The following ZPBP variants were observed in gnomAD, a reference collection of about 807,000 sequenced individuals.
ZPBP encodes the protein zona pellucida-binding protein 1.
Under a neutral mutation model 44.8 loss-of-function variants are expected in ZPBP, and 26 were observed. That is an observed-to-expected ratio of 0.58 (90% CI 0.43 to 0.81). The LOEUF is 0.81. Ranked by LOEUF, ZPBP falls within the 30% of genes least tolerant of loss-of-function variation. The probability of loss-of-function intolerance (pLI) is 0.00; values close to 1 mark genes in which losing one functional copy is unlikely to be tolerated. For synonymous variants in ZPBP, 174 were observed against 153.2 expected (o/e 1.14, Z -1.00); for missense variants, 409 against 434.0 (o/e 0.94, Z 0.51).
intron 7 of ZPBP, among the ~76,000 whole-genome samples, chr7:49,950,909 A>T (rs1463016530): frequency 6.6e-6 from 1 of 151,898 alleles, no homozygotes; most frequent in Non-Finnish European, 1.5e-5. Context: ...AATGCCTACC[A>T]CCAATGAAAC....
intron 1 of ZPBP, among the ~76,000 whole-genome samples, chr7:49,906,680 C>T (rs892267109): frequency 1.3e-5 from 2 of 152,140 alleles, no homozygotes; most frequent in African/African-American, 4.8e-5. Context: ...AAATTCTTAC[C>T]AAGAATTATT....
chr7:49,855,591 C>A (rs565441135), intron 2 of ZPBP, among the ~76,000 whole-genome samples: 1 of 152,322 alleles, frequency 6.6e-6, no homozygotes, highest in East Asian at 1.9e-4. Context: ...AGGTAGGTAG[C>A]GTCCCTTTAA....
At chr7:49,847,221 AATATAATATAATAT>A (rs563381907), downstream of ZPBP, among the ~76,000 whole-genome samples, 481 of 148,462 alleles carry the variant, frequency 3.2e-3, 5 homozygotes, top group African/African-American at 0.011. Flanking sequence ...ATTATAATAT[AATATAATATAATAT>A]ATATAATATA....
chr7:49,943,526 T>C, intron 7 of ZPBP: 1 of 397,834 alleles, frequency 2.5e-6, no homozygotes, highest in Non-Finnish European at 4.9e-6. Context: ...GTGTACAACT[T>C]TCCAAACTGC....
intron 2 of ZPBP, among the ~76,000 whole-genome samples, chr7:49,865,930 C>T (rs1790865595): frequency 6.6e-6 from 1 of 152,212 alleles, no homozygotes; most frequent in Non-Finnish European, 1.5e-5. Flanking sequence ...CCCATTTGTC[C>T]AGTTGAGAAA....
At chr7:49,910,708 G>GATATATTT (rs1208700880) in intron 1 of ZPBP, among the ~76,000 whole-genome samples, 1 of 152,214 alleles carries the variant, frequency 6.6e-6, no homozygotes, top group African/African-American at 2.4e-5. Context: ...TTTGTTGGCT[G>GATATATTT]ATATATTATA....
At chr7:49,943,053 G>C (rs1332205879) in intron 7 of ZPBP, 2 of 332,564 alleles carry the variant, frequency 6.0e-6, no homozygotes, top group Non-Finnish European at 1.2e-5. Flanking sequence ...CCATTAAGCA[G>C]CTTGACAAAG....
intron 7 of ZPBP, among the ~76,000 whole-genome samples, chr7:49,973,257 C>G (rs1036514345): frequency 2.0e-5 from 3 of 150,612 alleles, no homozygotes; most frequent in Non-Finnish European, 3.0e-5. Context: ...ATCAGACTTT[C>G]CCCCAGAAAA....
the ZPBP span, among the ~76,000 whole-genome samples, chr7:49,845,232 G>A: frequency 5.9e-5 from 9 of 151,514 alleles, no homozygotes; most frequent in Non-Finnish European, 1.0e-4. Context: ...CATGGCACAC[G>A]TTTACCTATG....
intron 4 of ZPBP, among the ~76,000 whole-genome samples, chr7:50,051,876 G>T (rs1800716996): frequency 6.6e-6 from 1 of 151,996 alleles, no homozygotes; most frequent in South Asian, 2.1e-4. Flanking sequence ...CCAAGTGATG[G>T]GCTGATAGGG....
chr7:50,016,055 T>A (rs1798805158), intron 6 of ZPBP, among the ~76,000 whole-genome samples: 1 of 152,158 alleles, frequency 6.6e-6, no homozygotes, highest in Non-Finnish European at 1.5e-5. Flanking sequence ...AACAATCCCA[T>A]TACTGGGCAC....
At chr7:49,857,092 A>G (rs1790458018) in intron 2 of ZPBP, among the ~76,000 whole-genome samples, 1 of 147,832 alleles carries the variant, frequency 6.8e-6, no homozygotes, top group African/African-American at 2.5e-5. Flanking sequence ...GCACAATATC[A>G]TATTGTTAAC....
At chr7:49,873,401 C>T (rs62456376) in intron 2 of ZPBP, among the ~76,000 whole-genome samples, 1 of 152,094 alleles carries the variant, frequency 6.6e-6, no homozygotes, top group South Asian at 2.1e-4. Flanking sequence ...GGCACTAATC[C>T]CACCATGAGT....
At chr7:49,870,948 C>G (rs757329821) in intron 2 of ZPBP, among the ~76,000 whole-genome samples, 4 of 152,168 alleles carry the variant, frequency 2.6e-5, no homozygotes, top group Non-Finnish European at 5.9e-5. Context: ...ATGATAAACT[C>G]TCTTAGAAGA....
chr7:49,860,474 T>C (rs1790604671), intron 2 of ZPBP, among the ~76,000 whole-genome samples: 1 of 152,234 alleles, frequency 6.6e-6, no homozygotes, highest in Non-Finnish European at 1.5e-5. Context: ...TGTATGTATA[T>C]GCCGTGATTT....
At chr7:50,080,939 T>C (rs1217264115) in intron 3 of ZPBP, among the ~76,000 whole-genome samples, 2 of 151,744 alleles carry the variant, frequency 1.3e-5, no homozygotes, top group African/African-American at 4.8e-5. Flanking sequence ...TGATGAATAA[T>C]TTGTCCTAAG....
intron 2 of ZPBP, among the ~76,000 whole-genome samples, chr7:50,086,498 T>G (rs1360230214): frequency 1.3e-5 from 2 of 152,038 alleles, no homozygotes; most frequent in East Asian, 3.9e-4. Context: ...ATATTCCAAG[T>G]AGAAGATATC....
intron 2 of ZPBP, among the ~76,000 whole-genome samples, chr7:50,088,256 C>T (rs571310071): frequency 2.2e-4 from 33 of 151,886 alleles, no homozygotes; most frequent in Non-Finnish European, 4.3e-4. Context: ...CTCTACCTTG[C>T]ACCATATGCA....
chr7:49,956,264 T>C (rs918116706), intron 7 of ZPBP, among the ~76,000 whole-genome samples: 6 of 152,046 alleles, frequency 3.9e-5, no homozygotes, highest in African/African-American at 1.4e-4. Flanking sequence ...AATTTAATAA[T>C]AATGAATATA....
Sources: allele counts gnomAD v4.1 joint callset (sites outside exome capture counted in the v4.1 genomes callset), GRCh38; gene constraint gnomAD v4.1.1; transcripts MANE v1.5; gene names NCBI Gene and HGNC (gene_info 2026-07-23, HGNC 2026-07-21).